Variants in ATP5F1B observed in about 807,000 individuals in gnomAD.
ATP5F1B encodes the protein ATP synthase F(1) complex subunit beta, mitochondrial.
In ATP5F1B, 17 loss-of-function variants were observed where a neutral mutation model predicts 45.9. The observed-to-expected ratio is 0.37, with a 90% CI of 0.25 to 0.56. The LOEUF is 0.56. Ranked by LOEUF, ATP5F1B falls within the 20% of genes least tolerant of loss-of-function variation. The pLI, the probability that ATP5F1B is intolerant of heterozygous loss-of-function variation, is 0.80. For missense variants in ATP5F1B, 387 were observed against 673.2 expected (o/e 0.57, Z 4.70); for synonymous variants, 218 against 256.5 (o/e 0.85, Z 1.43).
At chr12:56,642,894 T>A in intron 5 of ATP5F1B, 63 bp from the exon 6 acceptor site, 1 of 1,563,354 alleles carries the variant, frequency 6.4e-7, no homozygotes, top group Admixed American at 1.9e-5. Flanking sequence ...ATACTGAAGG[T>A]TCCCAAATCG....
chr12:56,638,292 GGA>G lies in ATP5F1B; in HGVS notation c.*29_*30del. On this transcript the variant is annotated 3_prime_UTR_variant, in exon 10 of 10. Transcript: ENST00000262030. The stretch of plus-strand genomic sequence containing the variant: ...ATGAAGCTTTTTGGGTTAGGGGCAA[GGA>G]GAGAGACAGTACAGAGGACAAAGAC... 1.3e-6 allele frequency: 2 copies of G among 1,581,882 alleles called. No individual in the cohort carries two copies. The highest frequency in any genetic ancestry group is 8.7e-7 in the Non-Finnish European group (1 of 1,153,572).
chr12:56,642,178 G>GT (rs1377302097), intron 7 of ATP5F1B, among the ~76,000 whole-genome samples: 1 of 151,710 alleles, frequency 6.6e-6, no homozygotes, highest in Non-Finnish European at 1.5e-5. Context: ...TGTATCTTTA[G>GT]TAGAGACGGG....
chr12:56,642,128 T>G (rs955218653), intron 7 of ATP5F1B, among the ~76,000 whole-genome samples: 3 of 151,902 alleles, frequency 2.0e-5, no homozygotes, highest in Non-Finnish European at 4.4e-5. Flanking sequence ...TCTGAGTAGT[T>G]GGGATTACAG....
At chr12:56,643,627 C>A (rs1213195348) in intron 4 of ATP5F1B, 40 bp from the exon 5 acceptor site, 5 of 1,610,878 alleles carry the variant, frequency 3.1e-6, no homozygotes. Context: ...AAGAGTTCTG[C>A]TTTCCTAAAT....
At chr12:56,638,511 C>T in intron 9 of ATP5F1B, 88 bp from the exon 10 acceptor site, 8 of 989,060 alleles carry the variant, frequency 8.1e-6, no homozygotes, top group Non-Finnish European at 9.4e-6. Flanking sequence ...CCACTTCAGG[C>T]CATCAGTTAG....
Position 56,642,848 on chromosome 12 carries a change from T to G in ATP5F1B, c.793-17A>C. ...CAGCGCTACCTGCAGTAATCATACA[T>G]AATCGTAAAACCTGACAAAGGAGTA... On this transcript the variant is annotated splice_polypyrimidine_tract_variant and intron_variant, in intron 5 of 9. Coordinates refer to ENST00000262030, the MANE Select transcript of ATP5F1B (RefSeq NM_001686.4). 6.2e-7 allele frequency: 1 copy of G among 1,613,660 alleles called. No individual in the cohort carries two copies. Among genetic ancestry groups the G allele is most frequent in the Non-Finnish European group, 8.5e-7 (1 of 1,179,798 alleles).
Position 56,639,389 on chromosome 12 carries a change from G to A in ATP5F1B, c.1288-82C>T, listed in dbSNP as rs904021336. The stretch of plus-strand genomic sequence containing the variant: ...TAACAAAGGGAAAGTTACATGCTAG[G>A]GGGCAGAGAAGGTGGTGGTGTTATG... On this transcript the variant is annotated intron_variant, in intron 8 of 9. Transcript: ENST00000262030. 9.0e-6 allele frequency: 12 copies of A among 1,340,618 alleles called. No homozygotes were observed. The African/African-American group carries it at 1.4e-4, about 16-fold the overall frequency. 83.0% of individuals were successfully genotyped at this position (1,340,618 alleles called of 1,614,324 possible). A position where few individuals can be genotyped will look rare whatever the true frequency, so the allele number is the denominator to read the frequency against.
Position 56,638,317 on chromosome 12 carries a change from G to C in ATP5F1B, c.*6C>G, listed in dbSNP as rs372908816. ...GGAGAGAGACAGTACAGAGGACAAA[G>C]ACCCCTCACGATGAATGCTCTTCAG... On this transcript the variant is annotated 3_prime_UTR_variant, in exon 10 of 10. Coordinates refer to ENST00000262030, the MANE Select transcript of ATP5F1B (RefSeq NM_001686.4). The C allele has an allele frequency of 5.6e-6, 9 of 1,612,188 alleles. No homozygotes were observed. The highest frequency in any genetic ancestry group is 5.9e-6 in the Non-Finnish European group (7 of 1,178,394).
Position 56,645,900 on chromosome 12 carries a change from G to A in ATP5F1B, c.64C>T (p.Pro22Ser). The A allele has an allele frequency of 6.2e-7, 1 of 1,608,398 alleles. No homozygotes were observed. The change falls in exon 1 of 10, where the codon CCT becomes TCT. Residue 22 changes from proline to serine, a missense_variant. By Grantham distance (74) the Pro-to-Ser change is moderately conservative. Coordinates refer to ENST00000262030, the MANE Select transcript of ATP5F1B (RefSeq NM_001686.4). Reference protein sequence around the residue: ...PASGALRRLTPSASLPPAQLL... With the variant: ...PASGALRRLTSSASLPPAQLL... Reference sequence around the variant, plus strand: ...TGAGCTGGGGGCAGCGACGCTGAAGGGGTGAGTCTCCGCAAGGCCCCGGAG... The same window carrying A: ...TGAGCTGGGGGCAGCGACGCTGAAGAGGTGAGTCTCCGCAAGGCCCCGGAG...
At chr12:56,640,361 AG>A (rs1265856320) in intron 7 of ATP5F1B, among the ~76,000 whole-genome samples, 169 bp from the exon 8 acceptor site, 1 of 151,474 alleles carries the variant, frequency 6.6e-6, no homozygotes, top group African/African-American at 2.4e-5. Flanking sequence ...CCGAGTGGCT[AG>A]GACTACAGGT....
Position 56,644,902 on chromosome 12 carries a change from C to T in ATP5F1B, c.364G>A (p.Gly122Ser). ...GCACCAGAATCCAGTACTTTCTGGC[C>T]TCTAACCAAGCCTTCTGTACCATCC... is the stretch of plus-strand genomic sequence containing the variant. The part of the protein sequence containing the change: ...AMDGTEGLVR[G>S]QKVLDSGAPI... Residue 122 changes from glycine to serine, a missense_variant, in exon 3 of 10, where the codon GGC becomes AGC. By Grantham distance (56) the Gly-to-Ser change is moderately conservative. Around this residue, in one of 6 missense-constraint regions of ATP5F1B, gnomAD observed 113 missense variants for 168.0 expected, o/e 0.67. Transcript: ENST00000262030. 1.9e-6 allele frequency: 3 copies of T among 1,614,204 alleles called. No individual in the cohort carries two copies. Among genetic ancestry groups the T allele is most frequent in the Non-Finnish European group, 2.5e-6 (3 of 1,180,026 alleles).
Position 56,645,579 on chromosome 12 carries a change from C to T in ATP5F1B, c.128-226G>A, listed in dbSNP as rs536206242. 2.6e-5 allele frequency among the ~76,000 whole-genome samples: 4 copies of T among 152,302 alleles called. No homozygotes were observed. In the East Asian group the frequency reaches 7.7e-4, roughly 29 times the overall value. ...CCCATTTTTCGAGAGTTCAGTACCC[C>T]TATTCAACCGGAAGGTCAACGCACC... On this transcript the variant is annotated intron_variant, in intron 1 of 9. Transcript: ENST00000262030.
rs1163126969 is a variant in ATP5F1B at position 56,643,914 on chromosome 12, C to T, written c.530G>A (p.Ser177Asn). ...HAEAPEFMEMSVEQEILVTGI... is the reference protein window; with the variant it reads ...HAEAPEFMEMNVEQEILVTGI... Reference sequence around the variant, plus strand: ...AGTCACCAGAATTTCCTGCTCAACACTCATTTCCATGAACTCTGGAGCCTC... The same window carrying T: ...AGTCACCAGAATTTCCTGCTCAACATTCATTTCCATGAACTCTGGAGCCTC... Residue 177 changes from serine to asparagine, a missense_variant, in exon 4 of 10, where the codon AGT (serine) becomes AAT (asparagine). Around this residue, in one of 6 missense-constraint regions of ATP5F1B, gnomAD observed 113 missense variants for 168.0 expected, o/e 0.67. Coordinates refer to ENST00000262030, the MANE Select transcript of ATP5F1B (RefSeq NM_001686.4). The T allele has an allele frequency of 1.2e-6, 2 of 1,614,112 alleles. No individual in the cohort carries two copies. Among genetic ancestry groups the T allele is most frequent in the Admixed American group, 1.7e-5 (1 of 60,004 alleles).
Position 56,645,914 on chromosome 12 carries a change from A to G in ATP5F1B, c.50T>C (p.Leu17Ser), listed in dbSNP as rs1951546516. ...CGACGCTGAAGGGGTGAGTCTCCGC[A>G]AGGCCCCGGAGGCCGGAGCAGCGGC... Reference protein sequence around the residue: ...RVAAAPASGALRRLTPSASLP... With the variant: ...RVAAAPASGASRRLTPSASLP... Residue 17 changes from leucine to serine, a missense_variant, in exon 1 of 10, where the codon TTG becomes TCG. Physicochemically the swap from Leu to Ser is moderately radical, Grantham distance 145. Coordinates refer to ENST00000262030, the MANE Select transcript of ATP5F1B (RefSeq NM_001686.4). The G allele has an allele frequency of 6.2e-7, 1 of 1,607,816 alleles. No individual in the cohort carries two copies. The highest frequency in any genetic ancestry group is 8.5e-7 in the Non-Finnish European group (1 of 1,177,612).
rs557558731 is a variant in ATP5F1B at position 56,639,425 on chromosome 12, G to A, written c.1288-118C>T. 4.5e-6 allele frequency: 4 copies of A among 891,006 alleles called. No individual in the cohort carries two copies. The Admixed American group carries it at 8.7e-5, about 19-fold the overall frequency. The allele number at this position is 891,006 out of a possible 1,614,324, so 55.2% of individuals were successfully genotyped here. A position where few individuals can be genotyped will look rare whatever the true frequency, so the allele number is the denominator to read the frequency against. ...GGTGGTGGTGTTATGAGGGCCCTCA[G>A]CCAAGAAAGATCAGTGTCTTGTTCT... On this transcript the variant is annotated intron_variant, in intron 8 of 9. Transcript: ENST00000262030.
chr12:56,638,278 T>C lies in ATP5F1B; in HGVS notation c.*45A>G. 6.6e-7 allele frequency: 1 copy of C among 1,522,734 alleles called. No homozygotes were observed. The highest frequency in any genetic ancestry group is 9.0e-7 in the Non-Finnish European group (1 of 1,105,870). 94.3% of individuals were successfully genotyped at this position (1,522,734 alleles called of 1,614,324 possible). ...GCCTACACAGAAAAATGAAGCTTTTTGGGTTAGGGGCAAGGAGAGAGACAG... is the reference window on the plus strand; with the variant it reads ...GCCTACACAGAAAAATGAAGCTTTTCGGGTTAGGGGCAAGGAGAGAGACAG... On this transcript the variant is annotated 3_prime_UTR_variant, in exon 10 of 10. Coordinates refer to ENST00000262030, the MANE Select transcript of ATP5F1B (RefSeq NM_001686.4).
rs567006666 is a variant in ATP5F1B at position 56,640,298 on chromosome 12, G to A, written c.1075-106C>T. The A allele has an allele frequency of 9.5e-5, 88 of 922,730 alleles. No individual in the cohort carries two copies. The South Asian group carries it at 1.3e-3, about 13-fold the overall frequency. 57.2% of individuals were successfully genotyped at this position (922,730 alleles called of 1,614,324 possible). The stretch of plus-strand genomic sequence containing the variant: ...GGCTGGAGTGCAGTGGTGCAATCTC[G>A]GCTCACTGCAACCTCTGCCTCCTGG... On this transcript the variant is annotated intron_variant, in intron 7 of 9. Transcript: ENST00000262030.
intron 8 of ATP5F1B, 85 bp from the exon 9 acceptor site, chr12:56,639,392 G>C (rs1951495839): frequency 7.7e-7 from 1 of 1,297,898 alleles, no homozygotes; most frequent in Admixed American, 1.9e-5. Flanking sequence ...ATGCTAGGGG[G>C]CAGAGAAGGT....
intron 8 of ATP5F1B, 189 bp from the exon 9 acceptor site, chr12:56,639,496 G>C: frequency 3.3e-6 from 2 of 611,754 alleles, no homozygotes; most frequent in South Asian, 1.9e-5. Context: ...GCATTCCGCC[G>C]GGCGCAGTGG....
Sources: allele counts gnomAD v4.1 joint callset (sites outside exome capture counted in the v4.1 genomes callset), GRCh38; gene constraint gnomAD v4.1.1; regional missense constraint gnomAD v4.1.1; transcripts MANE v1.5; gene names NCBI Gene and HGNC (gene_info 2026-07-23, HGNC 2026-07-21).